DCX: variants seen among roughly 807,000 people sequenced by gnomAD.
The protein encoded by DCX is doublecortin.
In DCX, 4 loss-of-function variants were observed where a neutral mutation model predicts 20.9. That is an observed-to-expected ratio of 0.19 (90% CI 0.09 to 0.44). The LOEUF (loss-of-function observed/expected upper bound fraction) is 0.44, where lower values mean the gene tolerates loss of function less well. DCX is among the 20% of genes least tolerant of loss of function. The pLI, the probability that DCX is intolerant of heterozygous loss-of-function variation, is 0.99. For synonymous variants in DCX, 103 were observed against 111.4 expected (o/e 0.92, Z 0.47); for missense variants, 133 against 296.9 (o/e 0.45, Z 4.06).
At chrX:111,376,081 A>G (rs1478404950) in intron 3 of DCX, among the ~76,000 whole-genome samples, 1 of 112,069 alleles carries the variant, frequency 8.9e-6, no homozygotes, top group African/African-American at 3.2e-5. Context: ...TGAGGTTCTT[A>G]CCGTTTTATA....
At chrX:111,367,818 G>T (rs1441663165) in intron 3 of DCX, among the ~76,000 whole-genome samples, 2 of 111,325 alleles carry the variant, frequency 1.8e-5, no homozygotes, top group Non-Finnish European at 3.8e-5. Flanking sequence ...GAGCAAAACT[G>T]AGAAAAATGA....
At chrX:111,366,901 T>C (rs943933388) in intron 3 of DCX, among the ~76,000 whole-genome samples, 1 of 111,695 alleles carries the variant, frequency 9.0e-6, no homozygotes, top group Non-Finnish European at 1.9e-5. Context: ...TTAGACTATG[T>C]ATCACTATCC....
chrX:111,397,817 G>A (rs113347797), intron 3 of DCX, among the ~76,000 whole-genome samples: 73 of 81,631 alleles, frequency 8.9e-4, no homozygotes, highest in South Asian at 1.9e-3. Flanking sequence ...ATGTGTGTGT[G>A]TATATATACA....
At chrX:111,407,500 G>A (rs1928292908) in intron 2 of DCX, among the ~76,000 whole-genome samples, 1 of 111,472 alleles carries the variant, frequency 9.0e-6, no homozygotes, top group Admixed American at 9.6e-5. Context: ...CCCAGACATA[G>A]CCCTGAATTT....
chrX:111,398,345 T>TA lies in DCX; in HGVS notation c.705+2644dup, dbSNP rs1236761906. ...AATATACCAGGAGCTTAGCATTAAT[T>TA]AAAAAAAAAAAAAGGTTTGGATTGC... On this transcript the variant is annotated intron_variant, in intron 3 of 6. Transcript: ENST00000636035. Among the ~76,000 whole-genome samples the TA allele has an allele frequency of 5.0e-3, 497 of 98,802 alleles. 3 individuals carry two copies. The highest frequency in any genetic ancestry group is 0.013 in the African/African-American group (347 of 27,170). The allele number at this position is 98,802 out of a possible 115,157, so 85.8% of individuals were successfully genotyped here.
In DCX at chrX:111,391,293, T is replaced by C. The variant is rs1603422201; in HGVS notation, c.705+9697A>G. On this transcript the variant is annotated intron_variant, in intron 3 of 6. Transcript: ENST00000636035. ...ATGTGAAGAAGGTCCTTGCTTCCTCTTCACCTTCTGTCATGATTGTTAGTT... is the reference window on the plus strand; with the variant it reads ...ATGTGAAGAAGGTCCTTGCTTCCTCCTCACCTTCTGTCATGATTGTTAGTT... Among the ~76,000 whole-genome samples the C allele has an allele frequency of 3.6e-5, 4 of 111,472 alleles. No homozygotes were observed. The Admixed American group carries it at 3.8e-4, about 11-fold the overall frequency.
intron 6 of DCX, among the ~76,000 whole-genome samples, chrX:111,303,148 T>G (rs2095037682): frequency 9.3e-6 from 1 of 107,870 alleles, no homozygotes; most frequent in Non-Finnish European, 1.9e-5. Flanking sequence ...AGTGCAGTGG[T>G]GTGATCTCCA....
At chrX:111,383,955 C>T (rs552779498) in intron 3 of DCX, among the ~76,000 whole-genome samples, 2 of 111,038 alleles carry the variant, frequency 1.8e-5, no homozygotes, top group African/African-American at 6.5e-5. Flanking sequence ...AGTCTAGATG[C>T]CATTTTAATT....
At chrX:111,402,731 T>C (rs1288998703) in intron 2 of DCX, among the ~76,000 whole-genome samples, 1 of 110,842 alleles carries the variant, frequency 9.0e-6, no homozygotes, top group Non-Finnish European at 1.9e-5. Flanking sequence ...AAATCTCTAG[T>C]GTACCTTTGA....
intron 5 of DCX, among the ~76,000 whole-genome samples, chrX:111,314,557 G>T (rs747261224): frequency 2.7e-5 from 3 of 111,769 alleles, no homozygotes; most frequent in Non-Finnish European, 5.6e-5. Flanking sequence ...AAGGGCAGGA[G>T]TTTGAAAGTC....
chrX:111,308,850 T>C (rs746527060), intron 6 of DCX, among the ~76,000 whole-genome samples: 3 of 110,777 alleles, frequency 2.7e-5, no homozygotes, highest in Non-Finnish European at 5.7e-5. Flanking sequence ...TGAAAGAGTT[T>C]CCTTACGTTT....
At chrX:111,382,031 CAA>C (rs1291816908) in intron 3 of DCX, among the ~76,000 whole-genome samples, 2 of 111,602 alleles carry the variant, frequency 1.8e-5, no homozygotes, top group Non-Finnish European at 3.8e-5. Flanking sequence ...GAATTACTGG[CAA>C]AGATTGTTGA....
At chrX:111,370,587 C>T (rs1266241572) in intron 3 of DCX, among the ~76,000 whole-genome samples, 2 of 111,352 alleles carry the variant, frequency 1.8e-5, no homozygotes, top group Non-Finnish European at 1.9e-5. Flanking sequence ...CAGTTCTGTG[C>T]ATATCACTCA....
rs1012220358 is a variant in DCX, at chrX:111,298,641, G to A, written c.*3046C>T. On this transcript the variant is annotated 3_prime_UTR_variant, in exon 7 of 7. Coordinates refer to ENST00000636035, the MANE Select transcript of DCX (RefSeq NM_001195553.2). ...CCTCTGTGTCTCGGTTTCCTGGCCTGAAGAATGAGAAATTTGGAGTAGAGG... is the reference window on the plus strand; with the variant it reads ...CCTCTGTGTCTCGGTTTCCTGGCCTAAAGAATGAGAAATTTGGAGTAGAGG... 8.9e-6 allele frequency: 1 copy of A among 111,965 alleles called. No homozygotes were observed. The highest frequency in any genetic ancestry group is 1.9e-5 in the Non-Finnish European group (1 of 53,181). 9.2% of individuals were successfully genotyped at this position (111,965 alleles called of 1,213,427 possible).
At position 111,325,103 on chromosome X, in the gene DCX, C is replaced by T. The variant is rs149585482; in HGVS notation, c.946+5801G>A. On this transcript the variant is annotated intron_variant, in intron 5 of 6. Coordinates refer to ENST00000636035, the MANE Select transcript of DCX (RefSeq NM_001195553.2). Reference sequence around the variant, plus strand: ...GGAGCTAGGGGAGCTGAAGGAATGTCTAAGCTGTCTTGTTTCAGTGCTCTG... The same window carrying T: ...GGAGCTAGGGGAGCTGAAGGAATGTTTAAGCTGTCTTGTTTCAGTGCTCTG... 1.3e-4 allele frequency among the ~76,000 whole-genome samples: 15 copies of T among 111,597 alleles called. 1 individual carries two copies. In the East Asian group the frequency reaches 4.3e-3, roughly 32 times the overall value.
At chrX:111,336,681 C>T (rs1921766312) in intron 3 of DCX, among the ~76,000 whole-genome samples, 2 of 112,031 alleles carry the variant, frequency 1.8e-5, no homozygotes, top group African/African-American at 6.5e-5. Context: ...TGCTTCAATT[C>T]AGGACAAAAT....
rs16986475 is a variant in DCX at position 111,299,039 on chromosome X, C to T, written c.*2648G>A. 6,631 of 109,263 alleles carry T rather than the reference C, an allele frequency of 0.061. 568 individuals carry two copies. The highest frequency in any genetic ancestry group is 0.21 in the African/African-American group (6,281 of 29,612). The allele number at this position is 109,263 out of a possible 1,213,427, so 9.0% of individuals were successfully genotyped here. A position where few individuals can be genotyped will look rare whatever the true frequency, so the allele number is the denominator to read the frequency against. On this transcript the variant is annotated 3_prime_UTR_variant, in exon 7 of 7. Coordinates refer to ENST00000636035, the MANE Select transcript of DCX (RefSeq NM_001195553.2). ...GCTTGCTGACTTGATGTTTGTTGAC[C>T]GTGCAGAAATTAACACAATGGAACT... is the stretch of plus-strand genomic sequence containing the variant.
At chrX:111,308,120 T>G (rs183344489) in intron 6 of DCX, among the ~76,000 whole-genome samples, 100 of 112,502 alleles carry the variant, frequency 8.9e-4, no homozygotes, top group Middle Eastern at 9.2e-3. Context: ...TCTGTTTTTG[T>G]TGATTGATAT....
At chrX:111,318,850 G>A (rs772028443) in intron 5 of DCX, among the ~76,000 whole-genome samples, 112 of 111,433 alleles carry the variant, frequency 1.0e-3, no homozygotes, top group Middle Eastern at 4.6e-3. Context: ...CAGGTACTAT[G>A]CTTATTACCT....
Sources: gnomAD v4.1 joint callset for allele counts (sites outside exome capture counted in the v4.1 genomes callset) on GRCh38, gnomAD v4.1.1 for gene constraint, MANE v1.5 for transcripts, NCBI Gene and HGNC (gene_info 2026-07-23, HGNC 2026-07-21) for gene names.